Variants in PRKG2 observed in about 807,000 individuals in gnomAD.
PRKG2 encodes protein kinase cGMP-dependent 2, also known as cGMP-dependent protein kinase 2.
In PRKG2, 33 loss-of-function variants were observed where a neutral mutation model predicts 97.2. That is an observed-to-expected ratio of 0.34 (90% CI 0.26 to 0.45). The LOEUF (loss-of-function observed/expected upper bound fraction) is 0.45. Among genes scored for constraint, PRKG2 ranks in the 20% least tolerant of loss-of-function variants. The probability of loss-of-function intolerance (pLI) is 1.00; values close to 1 mark genes in which losing one functional copy is unlikely to be tolerated. For synonymous variants in PRKG2, 330 were observed against 321.8 expected (o/e 1.03, Z -0.27); for missense variants, 638 against 900.0 (o/e 0.71, Z 3.73).
intron 14 of PRKG2, among the ~76,000 whole-genome samples, chr4:81,123,936 G>A (rs1745312206): frequency 6.6e-6 from 1 of 151,802 alleles, no homozygotes; most frequent in Admixed American, 6.6e-5. Context: ...TGCTACTGTT[G>A]TTCAGTTATT....
At chr4:81,210,905 GA>G (rs1191463324) in intron 1 of PRKG2, among the ~76,000 whole-genome samples, 2 of 152,022 alleles carry the variant, frequency 1.3e-5, no homozygotes, top group Non-Finnish European at 2.9e-5. Context: ...AGACATGAAG[GA>G]ACTTTAAATG....
At chr4:81,127,485 T>C (rs764744858) in intron 14 of PRKG2, among the ~76,000 whole-genome samples, 1 of 152,222 alleles carries the variant, frequency 6.6e-6, no homozygotes, top group Non-Finnish European at 1.5e-5. Context: ...GTTTTTCTAT[T>C]CGTTTGTGTC....
intron 14 of PRKG2, among the ~76,000 whole-genome samples, chr4:81,111,514 A>G (rs17005060): frequency 6.6e-6 from 1 of 151,316 alleles, no homozygotes; most frequent in Non-Finnish European, 1.5e-5. Flanking sequence ...GGCAAAAATC[A>G]TATATGTCAA....
chr4:81,176,556 G>A (rs1254202712), intron 2 of PRKG2, among the ~76,000 whole-genome samples: 1 of 152,136 alleles, frequency 6.6e-6, no homozygotes, highest in African/African-American at 2.4e-5. Context: ...AGCTTTCGCA[G>A]ACTTTATATG....
At chr4:81,102,289 A>G (rs955755136) in intron 17 of PRKG2, among the ~76,000 whole-genome samples, 2 of 152,214 alleles carry the variant, frequency 1.3e-5, no homozygotes, top group Non-Finnish European at 2.9e-5. Context: ...CCTCAGGTAA[A>G]GAAGTAAAAG....
intron 10 of PRKG2, among the ~76,000 whole-genome samples, 191 bp downstream of exon 10, chr4:81,144,041 C>T (rs943147137): frequency 1.3e-5 from 2 of 152,148 alleles, no homozygotes; most frequent in Non-Finnish European, 2.9e-5. Flanking sequence ...CAGACTATTT[C>T]TAATAGATAA....
At position 81,105,826 on chromosome 4, in the gene PRKG2, G is replaced by A; in HGVS notation, c.2050C>T (p.Arg684Trp). ...TGTCATTCTCACCTGCAAAGCCTCC[G>A]AATCAAATCCTCAGGTCGTCGTGTT... is the stretch of plus-strand genomic sequence containing the variant. ...KITRRPEDLI[R>W]RLCRQNPTER... The change falls in exon 16 of 19, where the codon CGG becomes TGG. Residue 684 changes from arginine (R) to tryptophan (W), a missense_variant. Coordinates refer to ENST00000264399, the MANE Select transcript of PRKG2 (RefSeq NM_006259.3). 1.2e-6 allele frequency: 2 copies of A among 1,613,704 alleles called. No homozygotes were observed. The highest frequency in any genetic ancestry group is 1.7e-6 in the Non-Finnish European group (2 of 1,179,752).
At chr4:81,181,408 A>T (rs1751399087) in intron 2 of PRKG2, among the ~76,000 whole-genome samples, 1 of 151,774 alleles carries the variant, frequency 6.6e-6, no homozygotes, top group African/African-American at 2.4e-5. Context: ...AAAATTTATG[A>T]TGTCAAATTA....
chr4:81,196,937 A>C (rs1055290929), intron 2 of PRKG2, among the ~76,000 whole-genome samples: 3 of 152,222 alleles, frequency 2.0e-5, no homozygotes, highest in African/African-American at 7.2e-5. Context: ...TACCTTTCAC[A>C]AAGAACGGAC....
At chr4:81,155,363 G>C (rs1325694462) in intron 6 of PRKG2, among the ~76,000 whole-genome samples, 3 of 151,964 alleles carry the variant, frequency 2.0e-5, no homozygotes, top group Non-Finnish European at 4.4e-5. Context: ...AATGAAGCGA[G>C]AAGGGAAGTT....
intron 18 of PRKG2, 53 bp from the exon 19 acceptor site, chr4:81,089,856 T>G: frequency 1.5e-5 from 20 of 1,359,258 alleles, no homozygotes; most frequent in Non-Finnish European, 2.0e-5. Flanking sequence ...CCAAGCATGC[T>G]ATCACATATG....
Position 81,139,494 on chromosome 4 carries a change from G to A in PRKG2, c.1544+1039C>T, listed in dbSNP as rs189569598. 6.9e-4 allele frequency among the ~76,000 whole-genome samples: 105 copies of A among 152,118 alleles called. No individual in the cohort carries two copies. The South Asian group carries it at 0.019, about 27-fold the overall frequency. The stretch of plus-strand genomic sequence containing the variant: ...ACTCAAGAATAAAAACAGGCTGGGC[G>A]CAGTGGCTCACGCCTGTAATCCCAG... On this transcript the variant is annotated intron_variant, in intron 12 of 18. Coordinates refer to ENST00000264399, the MANE Select transcript of PRKG2 (RefSeq NM_006259.3).
At chr4:81,177,851 CA>C (rs1751071331) in intron 2 of PRKG2, among the ~76,000 whole-genome samples, 1 of 151,938 alleles carries the variant, frequency 6.6e-6, no homozygotes, top group Non-Finnish European at 1.5e-5. Context: ...ATCAACATAG[CA>C]ACAACTTAGA....
Position 81,153,726 on chromosome 4 carries a change from T to G in PRKG2, c.913-5A>C. On this transcript the variant is annotated splice_region_variant and splice_polypyrimidine_tract_variant and intron_variant, in intron 6 of 18. Transcript: ENST00000264399. ...ATCTCCTTTGTCATAGTATTCCTGT[T>G]GGGATGAGAGAGAAAGAAAATGTAA... 6.3e-7 allele frequency: 1 copy of G among 1,595,390 alleles called. No homozygotes were observed. The highest frequency in any genetic ancestry group is 8.6e-7 in the Non-Finnish European group (1 of 1,163,340).
rs527946532 is a variant in PRKG2 at position 81,140,474 on chromosome 4, A to G, written c.1544+59T>C. On this transcript the variant is annotated intron_variant, in intron 12 of 18. Coordinates refer to ENST00000264399, the MANE Select transcript of PRKG2 (RefSeq NM_006259.3). ...AAATAAAAATAAAAATAATTTAAGT[A>G]AATACATAAATAAAGAGCCTGAAAA... 181 of 1,375,108 alleles carry G rather than the reference A, an allele frequency of 1.3e-4. 4 individuals are homozygous for G. The South Asian group carries it at 3.3e-3, about 25-fold the overall frequency. The allele number at this position is 1,375,108 out of a possible 1,614,324, so 85.2% of individuals were successfully genotyped here.
chr4:81,091,526 G>A (rs929794159), intron 18 of PRKG2, among the ~76,000 whole-genome samples: 3 of 151,698 alleles, frequency 2.0e-5, no homozygotes, highest in Admixed American at 6.6e-5. Context: ...CTCGTGATCC[G>A]CCCGCCTCGG....
intron 6 of PRKG2, among the ~76,000 whole-genome samples, chr4:81,166,056 C>T (rs1037040274): frequency 1.3e-5 from 2 of 152,058 alleles, no homozygotes; most frequent in African/African-American, 4.8e-5. Context: ...GAGATGCAGG[C>T]TAAGCAATCT....
At chr4:81,120,723 T>C (rs767619737) in intron 14 of PRKG2, among the ~76,000 whole-genome samples, 12 of 144,668 alleles carry the variant, frequency 8.3e-5, no homozygotes, top group Admixed American at 2.7e-4. Context: ...ATTTTCTACA[T>C]AGATAATCAT....
chr4:81,089,808 T>A lies in PRKG2; in HGVS notation c.2194-5A>T, dbSNP rs997340093. The A allele has an allele frequency of 3.2e-6, 5 of 1,584,388 alleles. No homozygotes were observed. Among genetic ancestry groups the A allele is most frequent in the Non-Finnish European group, 4.3e-6 (5 of 1,153,518 alleles). Reference sequence around the variant, plus strand: ...GTGATCTATGGGTCCCTTGAGCTAATATAGAAATAATTAAAACAAAAGGAA... The same window carrying A: ...GTGATCTATGGGTCCCTTGAGCTAAAATAGAAATAATTAAAACAAAAGGAA... On this transcript the variant is annotated splice_region_variant and splice_polypyrimidine_tract_variant and intron_variant, in intron 18 of 18. Transcript: ENST00000264399.
Sources: gnomAD v4.1 joint callset for allele counts (sites outside exome capture counted in the v4.1 genomes callset) on GRCh38, gnomAD v4.1.1 for gene constraint, MANE v1.5 for transcripts, NCBI Gene and HGNC (gene_info 2026-07-23, HGNC 2026-07-21) for gene names.